Variants in KIFBP observed in about 807,000 individuals in gnomAD.
The protein encoded by KIFBP is kinesin family binding protein.
In KIFBP, 46 loss-of-function variants were observed where a neutral mutation model predicts 58.9. The ratio of observed to expected loss-of-function variants is 0.78; its 90% CI spans 0.62 to 1.00. The LOEUF (loss-of-function observed/expected upper bound fraction) is 1.00, where lower values mean the gene tolerates loss of function less well. Ranked by LOEUF, KIFBP falls within the 50% of genes least tolerant of loss-of-function variation. The probability of loss-of-function intolerance (pLI) is 0.00; values close to 1 mark genes in which losing one functional copy is unlikely to be tolerated. For missense variants in KIFBP, 651 were observed against 752.9 expected (o/e 0.86, Z 1.58); for synonymous variants, 241 against 283.4 (o/e 0.85, Z 1.50).
At chr10:69,008,772 T>G in intron 4 of KIFBP, 69 bp from the exon 5 acceptor site, 1 of 1,183,296 alleles carries the variant, frequency 8.5e-7, no homozygotes, top group Non-Finnish European at 1.3e-6. Flanking sequence ...TTAAAAGAAA[T>G]TATGCAAGTA....
chr10:68,991,824 A>C (rs990526028), intron 1 of KIFBP: 4 of 152,950 alleles, frequency 2.6e-5, no homozygotes, highest in African/African-American at 9.7e-5. Context: ...TCCCACCTAA[A>C]ATTTTTTCAC....
chr10:68,997,460 C>A (rs765392914), intron 1 of KIFBP, among the ~76,000 whole-genome samples: 28 of 152,184 alleles, frequency 1.8e-4, no homozygotes, highest in Non-Finnish European at 8.8e-5. Context: ...CCCCTTCCTA[C>A]TCCAGCCATG....
rs1358858905 is a variant in KIFBP at position 68,988,848 on chromosome 10, T to G, written c.16T>G (p.Trp6Gly). The change falls in exon 1 of 7, where the codon TGG becomes GGG. Residue 6 changes from tryptophan (W) to glycine (G), a missense_variant. Trp to Gly is a radical substitution (Grantham distance 184). Coordinates refer to ENST00000361983, the MANE Select transcript of KIFBP (RefSeq NM_015634.4). MANVP[W>G]AEVCEKFQAA... ...AGAGGCCGCTATGGCGAACGTTCCG[T>G]GGGCAGAGGTCTGCGAGAAATTCCA... 1 of 1,614,122 alleles carries G rather than the reference T, an allele frequency of 6.2e-7. No individual in the cohort carries two copies. The highest frequency in any genetic ancestry group is 8.5e-7 in the Non-Finnish European group (1 of 1,180,058).
chr10:69,014,719 CCCCCCCA>C (rs1838967400), intron 6 of KIFBP, among the ~76,000 whole-genome samples: 1 of 136,546 alleles, frequency 7.3e-6, no homozygotes, highest in African/African-American at 2.9e-5. Context: ...TTTATTTGCC[CCCCCCCA>C]CCCCCAAGAG....
intron 1 of KIFBP, among the ~76,000 whole-genome samples, chr10:68,992,582 T>A (rs898569799): frequency 3.9e-5 from 6 of 152,182 alleles, no homozygotes; most frequent in Admixed American, 1.3e-4. Flanking sequence ...GATTAAAATA[T>A]CCTGGGTTAG....
At chr10:69,014,735 A>C (rs7078953) in intron 6 of KIFBP, among the ~76,000 whole-genome samples, 6,878 of 131,380 alleles carry the variant, frequency 0.052, 236 homozygotes, top group African/African-American at 0.11. Flanking sequence ...CACCCCCAAG[A>C]GGTAGAGGAG....
At chr10:69,011,695 T>C in intron 6 of KIFBP, among the ~76,000 whole-genome samples, 1 of 130,374 alleles carries the variant, frequency 7.7e-6, no homozygotes, top group South Asian at 2.6e-4. Flanking sequence ...TTTTTTTTTT[T>C]TTTTTTTTTT....
chr10:69,003,213 A>G (rs1045410078), intron 2 of KIFBP, among the ~76,000 whole-genome samples: 2 of 152,230 alleles, frequency 1.3e-5, no homozygotes, highest in Non-Finnish European at 2.9e-5. Context: ...TGTGAAAGCC[A>G]TAACAGTGAA....
chr10:69,000,270 A>G (rs1308274732), intron 1 of KIFBP, among the ~76,000 whole-genome samples, 154 bp from the exon 2 acceptor site: 1 of 152,234 alleles, frequency 6.6e-6, no homozygotes, highest in Non-Finnish European at 1.5e-5. Flanking sequence ...TACCTGCTGC[A>G]CTACATAAGG....
chr10:68,989,101 G>A lies in KIFBP; in HGVS notation c.269G>A (p.Arg90Gln), dbSNP rs992870301. The change falls in exon 1 of 7, where the codon CGA (arginine) becomes CAA (glutamine). Residue 90 changes from arginine (R) to glutamine (Q), a missense_variant. Coordinates refer to ENST00000361983, the MANE Select transcript of KIFBP (RefSeq NM_015634.4). Reference sequence around the variant, plus strand: ...GAGCCCGAGGGGCCCGTCGCCCAGCGAGCGGTGAGGCTGGCAGTCATCGAG... The same window carrying A: ...GAGCCCGAGGGGCCCGTCGCCCAGCAAGCGGTGAGGCTGGCAGTCATCGAG... The part of the protein sequence containing the change: ...VVEPEGPVAQ[R>Q]AVRLAVIEFH... 1.2e-6 allele frequency: 2 copies of A among 1,610,588 alleles called. No individual in the cohort carries two copies. The highest frequency in any genetic ancestry group is 1.3e-5 in the African/African-American group (1 of 74,808).
chr10:68,998,191 C>T (rs2245465), intron 1 of KIFBP, among the ~76,000 whole-genome samples: 109,893 of 152,084 alleles, frequency 0.72, 40,013 homozygotes, highest in Middle Eastern at 0.77. Context: ...GACCCCGTGA[C>T]CTGCCCGCTT....
chr10:68,989,159 G>C lies in KIFBP; in HGVS notation c.327G>C (p.Glu109Asp), dbSNP rs761628784. 1 of 1,613,604 alleles carries C rather than the reference G, an allele frequency of 6.2e-7. No homozygotes were observed. Among genetic ancestry groups the C allele is most frequent in the Non-Finnish European group, 8.5e-7 (1 of 1,179,744 alleles). ...TCGGGGTGAACCACATCGACACGGAGGAGCTGTCGGCGGGGGAGGAGCACC... is the reference window on the plus strand; with the variant it reads ...TCGGGGTGAACCACATCGACACGGACGAGCTGTCGGCGGGGGAGGAGCACC... Reference protein sequence around the residue: ...FHLGVNHIDTEELSAGEEHLV... With the variant: ...FHLGVNHIDTDELSAGEEHLV... The change falls in exon 1 of 7, where the codon GAG becomes GAC. Residue 109 changes from glutamate (E) to aspartate (D), a missense_variant. Transcript: ENST00000361983.
At chr10:69,008,672 A>G in intron 4 of KIFBP, among the ~76,000 whole-genome samples, 169 bp from the exon 5 acceptor site, 1 of 152,024 alleles carries the variant, frequency 6.6e-6, no homozygotes. Flanking sequence ...AGATAATATG[A>G]TAATATATCT....
Position 68,988,852 on chromosome 10 carries a change from C to CAG in KIFBP, c.23_24dup (p.Val9ArgfsTer85). On this transcript the variant is annotated frameshift_variant, in exon 1 of 7. Coordinates refer to ENST00000361983, the MANE Select transcript of KIFBP (RefSeq NM_015634.4). LOFTEE classifies it high-confidence loss of function. ...GCCGCTATGGCGAACGTTCCGTGGG[C>CAG]AGAGGTCTGCGAGAAATTCCAGGCG... 1 of 1,614,250 alleles carries CAG rather than the reference C, an allele frequency of 6.2e-7. No individual in the cohort carries two copies.
At position 69,005,771 on chromosome 10, in the gene KIFBP, T is replaced by G. The variant is rs1245909326; in HGVS notation, c.645T>G (p.Ala215=). The G allele has an allele frequency of 6.2e-7, 1 of 1,613,644 alleles. No individual in the cohort carries two copies. The highest frequency in any genetic ancestry group is 1.7e-5 in the Admixed American group (1 of 59,994). ...ATACTCATAACCTATATTACCTAGCTCAAGTCTACCAGCATCTGGAAATGT... is the reference window on the plus strand; with the variant it reads ...ATACTCATAACCTATATTACCTAGCGCAAGTCTACCAGCATCTGGAAATGT... ...KVYTHNLYYL[A]QVYQHLEMFE... Residue 215 remains alanine (A), a synonymous_variant, in exon 4 of 7, where the codon GCT becomes GCG. Coordinates refer to ENST00000361983, the MANE Select transcript of KIFBP (RefSeq NM_015634.4).
chr10:69,012,211 T>C (rs1408089462), intron 6 of KIFBP, among the ~76,000 whole-genome samples: 1 of 152,208 alleles, frequency 6.6e-6, no homozygotes, highest in South Asian at 2.1e-4. Context: ...ATTTACTTAA[T>C]ATATTTTTGC....
intron 4 of KIFBP, among the ~76,000 whole-genome samples, chr10:69,008,387 A>ATAT (rs1554843393): frequency 2.2e-4 from 13 of 60,150 alleles, no homozygotes; most frequent in East Asian, 4.2e-4. Flanking sequence ...TAAAAAAAAA[A>ATAT]AAAAATATAT....
chr10:69,007,106 C>T (rs1167799882), intron 4 of KIFBP, among the ~76,000 whole-genome samples: 1 of 152,078 alleles, frequency 6.6e-6, no homozygotes, highest in African/African-American at 2.4e-5. Context: ...TTCACTGTGA[C>T]TTTAATTTAT....
chr10:69,013,999 C>T (rs886774562), intron 6 of KIFBP, among the ~76,000 whole-genome samples: 6 of 152,182 alleles, frequency 3.9e-5, no homozygotes, highest in Non-Finnish European at 8.8e-5. Context: ...GATCCACCCA[C>T]GTCGGCCTCC....
Sources: gnomAD v4.1 joint callset for allele counts (sites outside exome capture counted in the v4.1 genomes callset) on GRCh38, gnomAD v4.1.1 for gene constraint, MANE v1.5 for transcripts, NCBI Gene and HGNC (gene_info 2026-07-23, HGNC 2026-07-21) for gene names.